The following CTNNA3 variants were observed in gnomAD, a reference collection of about 807,000 sequenced individuals.
CTNNA3 encodes the protein catenin alpha-3.
A neutral mutation model predicts 95.7 loss-of-function variants in CTNNA3; 76 were observed. The observed-to-expected ratio is 0.79, with a 90% CI of 0.66 to 0.96. The LOEUF (loss-of-function observed/expected upper bound fraction) is 0.96. Among genes scored for constraint, CTNNA3 ranks in the 40% least tolerant of loss-of-function variants. The pLI, the probability that CTNNA3 is intolerant of heterozygous loss-of-function variation, is 0.00. For synonymous variants in CTNNA3, 431 were observed against 374.4 expected (o/e 1.15, Z -1.74); for missense variants, 1,191 against 1,089.8 (o/e 1.09, Z -1.31).
chr10:67,527,832 T>C (rs1214060010), intron 4 of CTNNA3, among the ~76,000 whole-genome samples: 1 of 152,226 alleles, frequency 6.6e-6, no homozygotes, highest in African/African-American at 2.4e-5. Context: ...ATTTTGCTTG[T>C]TGATTTTCTG....
At chr10:67,388,547 G>A (rs1333466839) in intron 5 of CTNNA3, among the ~76,000 whole-genome samples, 3 of 141,916 alleles carry the variant, frequency 2.1e-5, no homozygotes, top group African/African-American at 7.9e-5. Context: ...TCAGATTCAG[G>A]AAATACAGAG....
intron 5 of CTNNA3, among the ~76,000 whole-genome samples, chr10:67,321,012 C>T (rs926220818): frequency 2.0e-5 from 3 of 152,174 alleles, no homozygotes; most frequent in African/African-American, 7.2e-5. Context: ...ATCCTCCCTC[C>T]TGCTCCACCC....
chr10:67,705,599 G>A (rs1389479780), intron 1 of CTNNA3, among the ~76,000 whole-genome samples: 6 of 138,780 alleles, frequency 4.3e-5, no homozygotes, highest in African/African-American at 1.6e-4. Flanking sequence ...GGACACAGGA[G>A]GGGGACCATC....
rs34848387 is a variant in CTNNA3, at chr10:67,674,924, CA to C, written c.-6+21075del. Among the ~76,000 whole-genome samples, 5,157 of 152,108 alleles carry C rather than the reference CA, an allele frequency of 0.034. 615 individuals carry two copies. The East Asian group carries it at 0.44, about 13-fold the overall frequency. On this transcript the variant is annotated intron_variant, in intron 1 of 17. Transcript: ENST00000433211. ...TTTGTCTAGGATACCTTCCCTTGAA[CA>C]TTGTAACATCTGTATATGAAAGTTC...
rs566577925 is a variant in CTNNA3, at chr10:67,261,186, C to T, written c.580-41316G>A. 2.7e-4 allele frequency among the ~76,000 whole-genome samples: 41 copies of T among 152,126 alleles called. No homozygotes were observed. The East Asian group carries it at 5.6e-3, about 21-fold the overall frequency. On this transcript the variant is annotated intron_variant, in intron 5 of 17. Transcript: ENST00000433211. ...AACTCTATTTATTTATTTATGCATA[C>T]AAACACAGTTTAAATTAGCAAACAG...
chr10:67,394,036 G>C (rs536548064), intron 5 of CTNNA3, among the ~76,000 whole-genome samples: 3 of 152,238 alleles, frequency 2.0e-5, no homozygotes, highest in African/African-American at 7.2e-5. Context: ...AAATGGTAGT[G>C]GAAGAAGCTG....
At chr10:67,089,883 T>C (rs1857529010) in intron 7 of CTNNA3, among the ~76,000 whole-genome samples, 1 of 152,024 alleles carries the variant, frequency 6.6e-6, no homozygotes, top group Non-Finnish European at 1.5e-5. Flanking sequence ...TGTGTCTTCA[T>C]CATGTTTGTT....
intron 13 of CTNNA3, among the ~76,000 whole-genome samples, chr10:66,217,204 A>ATTT (rs1224021491): frequency 1.1e-4 from 16 of 152,050 alleles, no homozygotes; most frequent in Non-Finnish European, 1.9e-4. Context: ...AAATACAAAA[A>ATTT]TTAGCTGGGC....
chr10:67,688,202 G>A lies in CTNNA3; in HGVS notation c.-6+7798C>T, dbSNP rs181726163. Among the ~76,000 whole-genome samples, 826 of 152,130 alleles carry A rather than the reference G, an allele frequency of 5.4e-3. 4 individuals carry two copies. The highest frequency in any genetic ancestry group is 0.019 in the African/African-American group (788 of 41,464). On this transcript the variant is annotated intron_variant, in intron 1 of 17. Coordinates refer to ENST00000433211, the MANE Select transcript of CTNNA3 (RefSeq NM_013266.4). The stretch of plus-strand genomic sequence containing the variant: ...CCTTGATCTGCTTTAAATCAGAGAG[G>A]GAGAAGGGGACATGTACCCGGGTTG...
intron 13 of CTNNA3, among the ~76,000 whole-genome samples, chr10:66,230,096 A>G (rs186223495): frequency 3.4e-4 from 51 of 152,132 alleles, no homozygotes; most frequent in Admixed American, 2.7e-3. Flanking sequence ...AACAATATCT[A>G]TCTCTTTGCT....
chr10:66,484,324 C>A (rs1349531084), intron 11 of CTNNA3, among the ~76,000 whole-genome samples: 1 of 151,498 alleles, frequency 6.6e-6, no homozygotes, highest in African/African-American at 2.4e-5. Context: ...TCCAAATTTT[C>A]TTTGAGGAAG....
chr10:67,201,523 T>C (rs1863647869), intron 6 of CTNNA3, among the ~76,000 whole-genome samples: 1 of 152,166 alleles, frequency 6.6e-6, no homozygotes, highest in Non-Finnish European at 1.5e-5. Context: ...TTTTTTCCTT[T>C]TACTCTGAAG....
At chr10:66,145,950 T>C (rs56383845) in intron 13 of CTNNA3, among the ~76,000 whole-genome samples, 21,797 of 151,956 alleles carry the variant, frequency 0.14, 2,566 homozygotes, top group African/African-American at 0.33. Context: ...ATCTCCCCGG[T>C]TCAAGCGATT....
chr10:66,584,508 G>A (rs1197242147), intron 10 of CTNNA3, among the ~76,000 whole-genome samples: 1 of 151,690 alleles, frequency 6.6e-6, no homozygotes, highest in Non-Finnish European at 1.5e-5. Flanking sequence ...ACTCCTGCTT[G>A]CTTTTGGTTT....
At chr10:66,576,504 T>C (rs1843007926) in intron 10 of CTNNA3, among the ~76,000 whole-genome samples, 1 of 151,922 alleles carries the variant, frequency 6.6e-6, no homozygotes, top group Non-Finnish European at 1.5e-5. Context: ...TGAAGCAGTC[T>C]CCAGAGTCTT....
chr10:66,473,137 C>T (rs1173660718), intron 11 of CTNNA3, among the ~76,000 whole-genome samples: 1 of 151,932 alleles, frequency 6.6e-6, no homozygotes, highest in African/African-American at 2.4e-5. Flanking sequence ...ACACTTTATA[C>T]ATTTATCATT....
In CTNNA3 at chr10:66,043,153, A is replaced by AAG. The variant is rs1160878030; in HGVS notation, c.2159+26153_2159+26154dup. ...GGTAATGAAAAAAAAAAAAAAAAAAAAGAGAGAGAGAGAAGAGAAATCTCA... is the reference window on the plus strand; with the variant it reads ...GGTAATGAAAAAAAAAAAAAAAAAAAAGAGAGAGAGAGAGAAGAGAAATCTCA... On this transcript the variant is annotated intron_variant, in intron 15 of 17. Coordinates refer to ENST00000433211, the MANE Select transcript of CTNNA3 (RefSeq NM_013266.4). 8.3e-4 allele frequency among the ~76,000 whole-genome samples: 110 copies of AAG among 132,250 alleles called. 2 individuals carry two copies. Among genetic ancestry groups the AAG allele is most frequent in the Middle Eastern group, 4.0e-3 (1 of 252 alleles). The allele number at this position is 132,250 out of a possible 152,430, so 86.8% of individuals were successfully genotyped here.
chr10:66,964,263 A>G (rs1849280110), intron 7 of CTNNA3, among the ~76,000 whole-genome samples: 1 of 150,578 alleles, frequency 6.6e-6, no homozygotes, highest in African/African-American at 2.4e-5. Flanking sequence ...AGGATTCTAC[A>G]TTGAAGAGCA....
intron 10 of CTNNA3, among the ~76,000 whole-genome samples, chr10:66,592,179 T>G (rs1302844374): frequency 6.6e-6 from 1 of 152,020 alleles, no homozygotes; most frequent in Non-Finnish European, 1.5e-5. Context: ...TAACCACAAA[T>G]TTAATAAATT....
Sources: gnomAD v4.1 joint callset for allele counts (sites outside exome capture counted in the v4.1 genomes callset) on GRCh38, gnomAD v4.1.1 for gene constraint, MANE v1.5 for transcripts, NCBI Gene and HGNC (gene_info 2026-07-23, HGNC 2026-07-21) for gene names.